Variants in TMEM255B observed in about 807,000 individuals in gnomAD.
TMEM255B encodes family with sequence similarity 70, member B.
A neutral mutation model predicts 34.5 loss-of-function variants in TMEM255B; 35 were observed. The observed-to-expected ratio is 1.01, with a 90% CI of 0.77 to 1.34. The LOEUF is 1.34. TMEM255B is among the 40% of genes most tolerant of loss of function. The pLI is 0.00. For missense variants in TMEM255B, 432 were observed against 433.2 expected, an observed-to-expected ratio of 1.00 and a Z score of 0.02; for synonymous variants, 206 against 201.2, an observed-to-expected ratio of 1.02 and a Z score of -0.20.
At chr13:113,787,486 T>C (rs532884983) in intron 3 of TMEM255B, among the ~76,000 whole-genome samples, 1 of 152,238 alleles carries the variant, frequency 6.6e-6, no homozygotes, top group Admixed American at 6.5e-5. Context: ...AATGAGCAGG[T>C]CAAAGTTCAG....
intron 7 of TMEM255B, among the ~76,000 whole-genome samples, chr13:113,804,130 C>T (rs1407865707): frequency 6.6e-6 from 1 of 152,240 alleles, no homozygotes; most frequent in Non-Finnish European, 1.5e-5. Flanking sequence ...GCGTTTCTGG[C>T]CCGGGGAAGC....
intron 4 of TMEM255B, 133 bp downstream of exon 4, chr13:113,795,370 T>C (rs1173355023): frequency 2.3e-6 from 2 of 885,140 alleles, no homozygotes; most frequent in Admixed American, 2.2e-5. Context: ...GGGTTGCCAG[T>C]GACTGTCTCT....
In TMEM255B at chr13:113,806,688, G is replaced by T. The variant is rs1236184331; in HGVS notation, c.813+1660G>T. 1.3e-5 allele frequency among the ~76,000 whole-genome samples: 2 copies of T among 152,132 alleles called. No individual in the cohort carries two copies. The highest frequency in any genetic ancestry group is 2.4e-5 in the African/African-American group (1 of 41,440). On this transcript the variant is annotated intron_variant, in intron 8 of 8. Transcript: ENST00000375353. This position sits in a 1 kb window ranked among gnomAD's most constrained non-coding sequence, Gnocchi z 4.2. ...AGCTTCATCCTTCCCCAAGCCTCCT[G>T]CCCCTGCCCCAGGGACGTCCCCATC...
intron 8 of TMEM255B, among the ~76,000 whole-genome samples, chr13:113,807,917 C>T (rs1337467373): frequency 6.6e-6 from 1 of 152,158 alleles, no homozygotes; most frequent in African/African-American, 2.4e-5. Context: ...CCATCCTCAT[C>T]CACCCTGGGG....
At chr13:113,794,430 C>T (rs2050884920) in intron 3 of TMEM255B, among the ~76,000 whole-genome samples, 1 of 152,096 alleles carries the variant, frequency 6.6e-6, no homozygotes, top group Admixed American at 6.5e-5. Context: ...GCCGACAACT[C>T]ATCCATCGGG....
chr13:113,760,834 G>A (rs1303391617), intron 1 of TMEM255B, among the ~76,000 whole-genome samples: 1 of 137,204 alleles, frequency 7.3e-6, no homozygotes, highest in East Asian at 2.3e-4. Context: ...ATCTGGGGGT[G>A]GATTATGGTC....
At chr13:113,780,710 A>T (rs987142134) in intron 3 of TMEM255B, among the ~76,000 whole-genome samples, 7 of 152,208 alleles carry the variant, frequency 4.6e-5, no homozygotes, top group African/African-American at 1.7e-4. Context: ...AGAAACCTGT[A>T]TTGAAGAGCA....
intron 3 of TMEM255B, among the ~76,000 whole-genome samples, chr13:113,791,287 C>A (rs764108600): frequency 2.8e-4 from 42 of 152,184 alleles, no homozygotes; most frequent in Non-Finnish European, 4.3e-4. Context: ...AGAGACCCAG[C>A]AGAGCCTGGA....
chr13:113,771,368 C>A (rs571365605), intron 3 of TMEM255B, among the ~76,000 whole-genome samples: 16 of 152,166 alleles, frequency 1.1e-4, no homozygotes, highest in Non-Finnish European at 2.2e-4. Flanking sequence ...AATTTCCTTG[C>A]TTTCTATGGC....
At chr13:113,783,417 A>G (rs558463213) in intron 3 of TMEM255B, among the ~76,000 whole-genome samples, 30 of 152,204 alleles carry the variant, frequency 2.0e-4, no homozygotes, top group South Asian at 4.1e-4. Flanking sequence ...GCTGAATGCC[A>G]TATGCTCCTT....
Position 113,769,303 on chromosome 13 carries a change from G to T in TMEM255B, c.252+143G>T. 1 of 850,350 alleles carries T rather than the reference G, an allele frequency of 1.2e-6. No homozygotes were observed. Among genetic ancestry groups the T allele is most frequent in the Non-Finnish European group, 1.9e-6 (1 of 518,274 alleles). The allele number at this position is 850,350 out of a possible 1,614,324, so 52.7% of individuals were successfully genotyped here. On this transcript the variant is annotated intron_variant, in intron 3 of 8. Transcript: ENST00000375353. The surrounding 1 kb of genome is among the most constrained non-coding windows in gnomAD (Gnocchi z 4.2). Reference sequence around the variant, plus strand: ...CCAGCTCTGAGGTTCCCGGGCTGTGGCCTGCACAGTCCTGGATACAGGGTT... The same window carrying T: ...CCAGCTCTGAGGTTCCCGGGCTGTGTCCTGCACAGTCCTGGATACAGGGTT...
chr13:113,773,368 G>C (rs552811640), intron 3 of TMEM255B, among the ~76,000 whole-genome samples: 2 of 152,334 alleles, frequency 1.3e-5, no homozygotes, highest in African/African-American at 4.8e-5. Flanking sequence ...ATCTACTGGA[G>C]CATGTCAAAT....
At chr13:113,799,645 T>A (rs2051006016) in intron 5 of TMEM255B, 2 of 636,114 alleles carry the variant, frequency 3.1e-6, no homozygotes, top group Admixed American at 5.0e-5. Context: ...CTTCATTAAA[T>A]CACAACAGTC....
At chr13:113,794,348 T>C (rs1345220084) in intron 3 of TMEM255B, among the ~76,000 whole-genome samples, 1 of 152,092 alleles carries the variant, frequency 6.6e-6, no homozygotes, top group Non-Finnish European at 1.5e-5. Flanking sequence ...TGTAGCACCA[T>C]GTGCCCGAGC....
chr13:113,777,562 A>T (rs1010987554), intron 3 of TMEM255B, among the ~76,000 whole-genome samples: 2 of 151,970 alleles, frequency 1.3e-5, no homozygotes, highest in Admixed American at 1.3e-4. Context: ...CTGACTCTAG[A>T]CTCAGCCCAG....
chr13:113,767,850 A>G (rs934882303), intron 2 of TMEM255B, among the ~76,000 whole-genome samples: 1 of 152,234 alleles, frequency 6.6e-6, no homozygotes, highest in Non-Finnish European at 1.5e-5. Context: ...AATAAAACGT[A>G]GTGTAACAGA....
At position 113,800,095 on chromosome 13, in the gene TMEM255B, TGG is replaced by T. The variant is rs1235967662; in HGVS notation, c.423+684_423+685del. ...GTGTGTGTGTTTATGTGTGTGTGTG[TGG>T]GGGGGGGTAGGCAGGAGGCGTCCCG... On this transcript the variant is annotated intron_variant, in intron 5 of 8. Coordinates refer to ENST00000375353, the MANE Select transcript of TMEM255B (RefSeq NM_182614.4). 2,192 of 960,796 alleles carry T rather than the reference TGG, an allele frequency of 2.3e-3. 5 individuals are homozygous for T. The highest frequency in any genetic ancestry group is 4.1e-3 in the Admixed American group (76 of 18,562). The allele number at this position is 960,796 out of a possible 1,614,324, so 59.5% of individuals were successfully genotyped here.
At chr13:113,759,538 GTCTCTC>G (rs1010114203) in intron 1 of TMEM255B, among the ~76,000 whole-genome samples, 11 of 145,812 alleles carry the variant, frequency 7.5e-5, no homozygotes, top group Non-Finnish European at 1.4e-4. Context: ...CTCTCTCCCT[GTCTCTC>G]TCTCTGTCTC....
At chr13:113,783,200 T>A (rs879309529) in intron 3 of TMEM255B, among the ~76,000 whole-genome samples, 2 of 152,218 alleles carry the variant, frequency 1.3e-5, no homozygotes, top group Non-Finnish European at 2.9e-5. Context: ...GGGGCTCTTA[T>A]GTAATTTCTC....
Sources: allele counts gnomAD v4.1 joint callset (sites outside exome capture counted in the v4.1 genomes callset), GRCh38; gene constraint gnomAD v4.1.1; non-coding constraint Gnocchi (gnomAD v3.1); transcripts MANE v1.5; gene names NCBI Gene and HGNC (gene_info 2026-07-23, HGNC 2026-07-21).